PRKDC: variants seen among roughly 807,000 people sequenced by gnomAD.
The protein encoded by PRKDC is DNA-dependent protein kinase catalytic subunit.
A neutral mutation model predicts 486.9 loss-of-function variants in PRKDC; 82 were observed. The ratio of observed to expected loss-of-function variants is 0.17; its 90% CI spans 0.14 to 0.20. The LOEUF (loss-of-function observed/expected upper bound fraction) is 0.20. Among genes scored for constraint, PRKDC ranks in the 10% least tolerant of loss-of-function variants. PRKDC has a pLI of 1.00. For missense variants in PRKDC, 4,504 were observed against 5,038.2 expected (o/e 0.89, Z 3.21); for synonymous variants, 1,895 against 1,837.0 (o/e 1.03, Z -0.81).
chr8:47,912,284 G>C (rs1365531369), intron 25 of PRKDC, 126 bp downstream of exon 25: 34 of 1,081,898 alleles, frequency 3.1e-5, no homozygotes, highest in Non-Finnish European at 4.1e-5. Flanking sequence ...GAGCACCTGG[G>C]GTAGCAGTCA....
chr8:47,781,819 G>T (rs539722812), intron 80 of PRKDC, among the ~76,000 whole-genome samples: 22 of 152,270 alleles, frequency 1.4e-4, no homozygotes, highest in African/African-American at 5.3e-4. Flanking sequence ...TACCTTGCAG[G>T]TTGTTGGTGA....
intron 21 of PRKDC, chr8:47,926,803 A>C (rs1430468346): frequency 6.4e-6 from 1 of 155,086 alleles, no homozygotes; most frequent in Non-Finnish European, 1.4e-5. Flanking sequence ...AAAAGCAATA[A>C]AAATCTAGTG....
rs1202071781 is a variant in PRKDC, at chr8:47,943,367, C to T, written c.809-1G>A. 1 of 1,595,054 alleles carries T rather than the reference C, an allele frequency of 6.3e-7. No homozygotes were observed. The highest frequency in any genetic ancestry group is 8.5e-7 in the Non-Finnish European group (1 of 1,172,800). On this transcript the variant is annotated splice_acceptor_variant, in intron 9 of 85. Transcript: ENST00000314191. LOFTEE classifies it high-confidence loss of function. Reference sequence around the variant, plus strand: ...TGCAGGGCAAATAGGCGCAAGCCAGCTGCAAATGCAAATGCCATTATATTT... The same window carrying T: ...TGCAGGGCAAATAGGCGCAAGCCAGTTGCAAATGCAAATGCCATTATATTT...
chr8:47,784,080 A>G (rs1563732409), intron 77 of PRKDC: 2 of 344,722 alleles, frequency 5.8e-6, no homozygotes, highest in East Asian at 5.9e-5. Flanking sequence ...TACATGGTGA[A>G]GCCCCGTCTC....
At chr8:47,784,342 G>C (rs2086755306) in intron 77 of PRKDC, among the ~76,000 whole-genome samples, 1 of 151,986 alleles carries the variant, frequency 6.6e-6, no homozygotes, top group Non-Finnish European at 1.5e-5. Flanking sequence ...ATCCTAAGTA[G>C]AAAAAATGAT....
rs1269211032 is a variant in PRKDC, at chr8:47,828,357, A to G, written c.8398-10T>C. The G allele has an allele frequency of 5.2e-6, 8 of 1,542,496 alleles. No individual in the cohort carries two copies. Among genetic ancestry groups the G allele is most frequent in the Non-Finnish European group, 7.0e-6 (8 of 1,147,652 alleles). On this transcript the variant is annotated splice_polypyrimidine_tract_variant and intron_variant, in intron 61 of 85. Coordinates refer to ENST00000314191, the MANE Select transcript of PRKDC (RefSeq NM_006904.7). ...CAATTATTGGGTCCCTCTGTAAAAA[A>G]TTCAAAACAAAGACAAATTAGGATC... is the stretch of plus-strand genomic sequence containing the variant.
intron 85 of PRKDC, among the ~76,000 whole-genome samples, chr8:47,775,218 A>C (rs1045708473): frequency 2.0e-5 from 3 of 151,692 alleles, no homozygotes; most frequent in African/African-American, 7.3e-5. Flanking sequence ...TAAATAAATT[A>C]ATTAATTAAT....
Position 47,799,361 on chromosome 8 carries a change from G to C in PRKDC, c.10146C>G (p.Phe3382Leu), listed in dbSNP as rs1245646520. The change falls in exon 72 of 86, where the codon TTC (phenylalanine) becomes TTG (leucine). Residue 3382 changes from phenylalanine (F) to leucine (L), a missense_variant. By Grantham distance (22) the Phe-to-Leu change is conservative. Coordinates refer to ENST00000314191, the MANE Select transcript of PRKDC (RefSeq NM_006904.7). The part of the protein sequence containing the change: ...KVIAGLYQRA[F>L]QHLSEAVQAA... ...CCTGCACAGCCTCAGAGAGGTGCTG[G>C]AATGCTCTCTGGTACAGACCCGCGA... 6.2e-7 allele frequency: 1 copy of C among 1,604,414 alleles called. No individual in the cohort carries two copies. Among genetic ancestry groups the C allele is most frequent in the Non-Finnish European group, 8.5e-7 (1 of 1,177,422 alleles).
intron 61 of PRKDC, among the ~76,000 whole-genome samples, chr8:47,829,109 G>A (rs1020242957): frequency 1.3e-5 from 2 of 152,064 alleles, no homozygotes; most frequent in Admixed American, 1.3e-4. Context: ...AATCTTCTAG[G>A]GATCTTCCCT....
chr8:47,807,383 A>G, intron 68 of PRKDC, 57 bp from the exon 69 acceptor site: 1 of 1,359,676 alleles, frequency 7.4e-7, no homozygotes, highest in Non-Finnish European at 9.9e-7. Flanking sequence ...GCTGCTGGAT[A>G]GCAATTACAG....
intron 67 of PRKDC, among the ~76,000 whole-genome samples, chr8:47,818,396 G>A (rs1472274874): frequency 6.6e-6 from 1 of 151,856 alleles, no homozygotes; most frequent in Non-Finnish European, 1.5e-5. Flanking sequence ...TGGCTAACAT[G>A]GTGAAACCCC....
At chr8:47,933,773 TTTCAA>T (rs2090298819) in intron 15 of PRKDC, among the ~76,000 whole-genome samples, 187 bp downstream of exon 15, 1 of 152,254 alleles carries the variant, frequency 6.6e-6, no homozygotes, top group African/African-American at 2.4e-5. Flanking sequence ...TCTGTGTTTC[TTTCAA>T]TTCATTTATT....
chr8:47,794,408 C>G lies in PRKDC; in HGVS notation c.10552G>C (p.Val3518Leu), dbSNP rs781660365. ...KDQAVAVQHS[V>L]EEITDNYPQA... ...GGGTAGTTATCAGTGATTTCTTCCA[C>G]AGAGTGCTGAACAGCAACGGCTTGG... The change falls in exon 74 of 86, where the codon GTG becomes CTG. Residue 3518 changes from valine to leucine, a missense_variant. This residue lies in a region of PRKDC where 706 missense variants were observed against 945.0 expected (regional missense o/e 0.75). Coordinates refer to ENST00000314191, the MANE Select transcript of PRKDC (RefSeq NM_006904.7). 1.7e-5 allele frequency: 27 copies of G among 1,613,840 alleles called. 1 individual carries two copies. In the South Asian group the frequency reaches 3.0e-4, roughly 18 times the overall value.
At chr8:47,789,270 T>C in intron 74 of PRKDC, 32 bp from the exon 75 acceptor site, 2 of 1,289,230 alleles carry the variant, frequency 1.6e-6, no homozygotes, top group Non-Finnish European at 2.1e-6. Flanking sequence ...GTTTAGGCAA[T>C]CAAATATCTT....
chr8:47,782,096 C>T lies in PRKDC; in HGVS notation c.11489+66G>A. 1 of 1,468,488 alleles carries T rather than the reference C, an allele frequency of 6.8e-7. No individual in the cohort carries two copies. The highest frequency in any genetic ancestry group is 9.5e-7 in the Non-Finnish European group (1 of 1,052,460). 91.0% of individuals were successfully genotyped at this position (1,468,488 alleles called of 1,614,324 possible). A position where few individuals can be genotyped will look rare whatever the true frequency, so the allele number is the denominator to read the frequency against. ...CTCTCGAGCGCGCCTGTCACGGCCC[C>T]GACCTGCCACTGGAGAAGTGAGGGG... On this transcript the variant is annotated intron_variant, in intron 80 of 85. Transcript: ENST00000314191. This position sits in a 1 kb window ranked among gnomAD's most constrained non-coding sequence, Gnocchi z 4.9.
chr8:47,948,053 A>C (rs1186553694), intron 7 of PRKDC, among the ~76,000 whole-genome samples: 2 of 151,900 alleles, frequency 1.3e-5, no homozygotes, highest in African/African-American at 2.4e-5. Flanking sequence ...ACTGCACTAC[A>C]GCCTGGATAA....
In PRKDC at chr8:47,794,288, A is replaced by G; in HGVS notation, c.10670+2T>C. The G allele has an allele frequency of 6.2e-7, 1 of 1,606,024 alleles. No homozygotes were observed. Among genetic ancestry groups the G allele is most frequent in the Non-Finnish European group, 8.5e-7 (1 of 1,174,210 alleles). On this transcript the variant is annotated splice_donor_variant, in intron 74 of 85. Transcript: ENST00000314191. LOFTEE classifies it high-confidence loss of function. ...ACCTATTCCTTCTGTAATATTACCT[A>G]CCTTGCCACAAACTCCTTATTCTTA...
In PRKDC at chr8:47,780,766, C is replaced by T. The variant is rs184932141; in HGVS notation, c.11489+1396G>A. The stretch of plus-strand genomic sequence containing the variant: ...CATCCTGGCCAACATAGTGAAATCC[C>T]ATCCCTACTAAAAATACAAAAATTA... On this transcript the variant is annotated intron_variant, in intron 80 of 85. Transcript: ENST00000314191. Among the ~76,000 whole-genome samples, 72 of 152,178 alleles carry T rather than the reference C, an allele frequency of 4.7e-4. 1 individual carries two copies. The highest frequency in any genetic ancestry group is 6.8e-3 in the Middle Eastern group (2 of 294).
intron 29 of PRKDC, among the ~76,000 whole-genome samples, chr8:47,897,883 G>C (rs954347674): frequency 2.6e-5 from 4 of 152,176 alleles, no homozygotes; most frequent in African/African-American, 9.7e-5. Flanking sequence ...TCTCCAGAGT[G>C]GCGGTCACTA....
Sources: gnomAD v4.1 joint callset for allele counts (sites outside exome capture counted in the v4.1 genomes callset) on GRCh38, gnomAD v4.1.1 for gene constraint, gnomAD v4.1.1 regional missense constraint, Gnocchi (gnomAD v3.1) non-coding constraint, MANE v1.5 for transcripts, NCBI Gene and HGNC (gene_info 2026-07-23, HGNC 2026-07-21) for gene names.